Variants in POLN observed in about 807,000 individuals in gnomAD.
POLN encodes DNA polymerase nu, also known as DNA polymerase N.
Under a neutral mutation model 113.5 loss-of-function variants are expected in POLN, and 108 were observed. The ratio of observed to expected loss-of-function variants is 0.95; its 90% CI spans 0.81 to 1.12. The LOEUF (loss-of-function observed/expected upper bound fraction) is 1.12. POLN is among the 50% of genes most tolerant of loss of function. The pLI is 0.00. For synonymous variants in POLN, 386 were observed against 391.5 expected, an observed-to-expected ratio of 0.99 and a Z score of 0.17; for missense variants, 1,097 against 1,077.1, an observed-to-expected ratio of 1.02 and a Z score of -0.26.
chr4:2,241,117 T>G (rs1231463283), intron 2 of POLN: 1 of 554,520 alleles, frequency 1.8e-6, no homozygotes, highest in African/African-American at 2.0e-5. Flanking sequence ...AAACAAGTAT[T>G]AGACCACAAA....
intron 20 of POLN, among the ~76,000 whole-genome samples, chr4:2,094,036 C>G (rs34669628): frequency 1.7e-4 from 26 of 152,206 alleles, no homozygotes; most frequent in African/African-American, 5.8e-4. Context: ...AGACCACCTC[C>G]GGCTGACAGC....
chr4:2,103,415 A>G (rs1173388403), intron 19 of POLN, among the ~76,000 whole-genome samples: 1 of 152,150 alleles, frequency 6.6e-6, no homozygotes, highest in Non-Finnish European at 1.5e-5. Context: ...AAATTAAAGA[A>G]AAAAGAATAA....
intron 7 of POLN, among the ~76,000 whole-genome samples, chr4:2,188,609 CA>C (rs199784071): frequency 6.6e-6 from 1 of 150,868 alleles, no homozygotes; most frequent in Non-Finnish European, 1.5e-5. Flanking sequence ...TCAAAAAAAA[CA>C]AAAAACAAAA....
At position 2,171,324 on chromosome 4, in the gene POLN, A is replaced by C. The variant is rs538249998; in HGVS notation, c.1375-143T>G. 6.3e-5 allele frequency: 39 copies of C among 616,112 alleles called. No homozygotes were observed. In the South Asian group the frequency reaches 7.5e-4, roughly 12 times the overall value. The allele number at this position is 616,112 out of a possible 1,614,324, so 38.2% of individuals were successfully genotyped here. A position where few individuals can be genotyped will look rare whatever the true frequency, so the allele number is the denominator to read the frequency against. On this transcript the variant is annotated intron_variant, in intron 11 of 25. Coordinates refer to ENST00000511885, the MANE Select transcript of POLN (RefSeq NM_181808.4). Reference sequence around the variant, plus strand: ...TACCAGCCCTTTGGGAGGCTGAGGCAGGAGGATCACTTGAGACCAGGAGTT... The same window carrying C: ...TACCAGCCCTTTGGGAGGCTGAGGCCGGAGGATCACTTGAGACCAGGAGTT...
chr4:2,087,202 G>C (rs1730570314), intron 20 of POLN, among the ~76,000 whole-genome samples: 1 of 152,176 alleles, frequency 6.6e-6, no homozygotes, highest in South Asian at 2.1e-4. Context: ...CATTTGGCTG[G>C]AAATGAAAAA....
In POLN at chr4:2,179,368, A is replaced by G. The variant is rs767896276; in HGVS notation, c.1119T>C (p.Cys373=). 1 of 1,613,220 alleles carries G rather than the reference A, an allele frequency of 6.2e-7. No homozygotes were observed. Among genetic ancestry groups the G allele is most frequent in the East Asian group, 2.2e-5 (1 of 44,876 alleles). The change falls in exon 8 of 26, where the codon TGT becomes TGC. Residue 373 remains cysteine, a synonymous_variant. Transcript: ENST00000511885. ...TCACTTTAACTGTAATGGATTTTTCACAGTATTTTTCTACTAAATCTTCAA... is the reference window on the plus strand; with the variant it reads ...TCACTTTAACTGTAATGGATTTTTCGCAGTATTTTTCTACTAAATCTTCAA... The part of the protein sequence containing the change: ...PSFEDLVEKY[C]EKSITVKVNS...
At chr4:2,158,559 G>A (rs888974375) in intron 14 of POLN, among the ~76,000 whole-genome samples, 1 of 152,218 alleles carries the variant, frequency 6.6e-6, no homozygotes, top group African/African-American at 2.4e-5. Context: ...GAGCCAATGT[G>A]CTCCCTCACA....
chr4:2,176,359 A>T (rs1347840724), intron 8 of POLN, 25 bp from the exon 9 acceptor site: 2 of 1,553,952 alleles, frequency 1.3e-6, no homozygotes, highest in African/African-American at 2.8e-5. Context: ...AAGTATTTTT[A>T]AAAATCAGAT....
At chr4:2,207,909 T>A (rs1733891616) in intron 5 of POLN, 78 bp downstream of exon 5, 1 of 1,475,398 alleles carries the variant, frequency 6.8e-7, no homozygotes, top group African/African-American at 1.4e-5. Flanking sequence ...CTAGCTCTCC[T>A]ATCAAAATCT....
At chr4:2,179,157 A>G in intron 8 of POLN, 151 bp downstream of exon 8, 1 of 769,252 alleles carries the variant, frequency 1.3e-6, no homozygotes, top group Non-Finnish European at 2.0e-6. Flanking sequence ...CCTCCACCAG[A>G]AATGCCAAGG....
intron 7 of POLN, among the ~76,000 whole-genome samples, chr4:2,185,033 A>C (rs1012415067): frequency 6.6e-6 from 1 of 152,236 alleles, no homozygotes; most frequent in Non-Finnish European, 1.5e-5. Context: ...AGATGATAAA[A>C]GGGGATTTCT....
At chr4:2,236,153 T>C in intron 2 of POLN, 1 of 831,908 alleles carries the variant, frequency 1.2e-6, no homozygotes, top group South Asian at 1.7e-5. Flanking sequence ...TTCCTCATGT[T>C]AACATTTTCT....
chr4:2,089,058 T>C, intron 20 of POLN: 1 of 879,408 alleles, frequency 1.1e-6, no homozygotes, highest in African/African-American at 1.7e-5. Context: ...CTTAGAACTT[T>C]AGTTCGTGAT....
chr4:2,197,366 A>G (rs1733605827), intron 6 of POLN, among the ~76,000 whole-genome samples: 1 of 152,232 alleles, frequency 6.6e-6, no homozygotes, highest in Admixed American at 6.5e-5. Context: ...AGGCAGAGCC[A>G]ATAGGACTTG....
At chr4:2,118,682 T>C (rs1312773243) in intron 19 of POLN, among the ~76,000 whole-genome samples, 2 of 152,230 alleles carry the variant, frequency 1.3e-5, no homozygotes, top group Non-Finnish European at 2.9e-5. Context: ...GCCACACATT[T>C]CAGGATTTTT....
chr4:2,211,260 A>AATAATAATT (rs1733986921), intron 4 of POLN, among the ~76,000 whole-genome samples: 1 of 110,370 alleles, frequency 9.1e-6, no homozygotes, highest in Non-Finnish European at 1.8e-5. Context: ...AAATAATAAT[A>AATAATAATT]ATAATAATAA....
At chr4:2,180,424 A>T (rs989215792) in intron 7 of POLN, among the ~76,000 whole-genome samples, 9 of 152,330 alleles carry the variant, frequency 5.9e-5, no homozygotes, top group Admixed American at 5.9e-4. Flanking sequence ...TTTAAATAAA[A>T]CTATAGTCTT....
intron 2 of POLN, chr4:2,234,173 G>A (rs1734677169): frequency 6.6e-6 from 1 of 152,192 alleles, no homozygotes; most frequent in African/African-American, 2.4e-5. Flanking sequence ...ACTATTTAGA[G>A]AGTAAAAATG....
At chr4:2,214,475 C>G (rs1734066232) in intron 3 of POLN, among the ~76,000 whole-genome samples, 1 of 152,090 alleles carries the variant, frequency 6.6e-6, no homozygotes, top group Non-Finnish European at 1.5e-5. Flanking sequence ...TATTATACAA[C>G]AAGTTCTCAT....
Sources: allele counts gnomAD v4.1 joint callset (sites outside exome capture counted in the v4.1 genomes callset), GRCh38; gene constraint gnomAD v4.1.1; transcripts MANE v1.5; gene names NCBI Gene and HGNC (gene_info 2026-07-23, HGNC 2026-07-21).